Variants in SAMD12 observed in about 807,000 individuals in gnomAD.
SAMD12 encodes sterile alpha motif domain containing 12.
Under a neutral mutation model 15.0 loss-of-function variants are expected in SAMD12, and 9 were observed. That is an observed-to-expected ratio of 0.60 (90% CI 0.36 to 1.05). SAMD12 has a LOEUF of 1.05. Ranked by LOEUF, SAMD12 falls within the 50% of genes least tolerant of loss-of-function variation. SAMD12 has a pLI of 0.01. For missense variants in SAMD12, 230 were observed against 234.2 expected (o/e 0.98, Z 0.12); for synonymous variants, 86 against 90.1 (o/e 0.96, Z 0.25).
intron 2 of SAMD12, among the ~76,000 whole-genome samples, chr8:118,498,384 T>C (rs1824687375): frequency 6.6e-6 from 1 of 152,222 alleles, no homozygotes; most frequent in Non-Finnish European, 1.5e-5. Context: ...CACGAATATA[T>C]TTTATTTAAG....
At chr8:118,285,624 T>C (rs1813939121) in intron 4 of SAMD12, among the ~76,000 whole-genome samples, 2 of 152,188 alleles carry the variant, frequency 1.3e-5, no homozygotes, top group East Asian at 1.9e-4. Context: ...CAAATGGACA[T>C]GGGCTTTGGA....
At chr8:118,550,093 G>A (rs887845000) in intron 2 of SAMD12, among the ~76,000 whole-genome samples, 1 of 152,162 alleles carries the variant, frequency 6.6e-6, no homozygotes, top group East Asian at 1.9e-4. Flanking sequence ...AACCAAGCTG[G>A]AAAACACTCT....
exon 5 of SAMD12, chr8:118,194,331 CAG>C (rs1819494584): frequency 6.6e-6 from 1 of 152,098 alleles, no homozygotes; most frequent in Admixed American, 6.5e-5. Flanking sequence ...GCACACCTCA[CAG>C]AGCCTGAGCA....
At chr8:118,325,497 CAT>C (rs995903266) in intron 4 of SAMD12, among the ~76,000 whole-genome samples, 38 of 152,290 alleles carry the variant, frequency 2.5e-4, no homozygotes, top group African/African-American at 8.2e-4. Context: ...GATATTTTGA[CAT>C]ATGTGTACCT....
intron 2 of SAMD12, among the ~76,000 whole-genome samples, chr8:118,492,122 C>CTTTTTTTT (rs543720456): frequency 5.3e-5 from 7 of 132,136 alleles, no homozygotes; most frequent in African/African-American, 5.6e-5. Context: ...CTGGTGTTGC[C>CTTTTTTTT]TTTTTTTTTT....
intron 3 of SAMD12, among the ~76,000 whole-genome samples, chr8:118,392,847 CT>C (rs1294341316): frequency 6.9e-6 from 1 of 144,622 alleles, no homozygotes; most frequent in African/African-American, 2.5e-5. Flanking sequence ...CTCCCTACCC[CT>C]ACTTGTGTTA....
downstream of SAMD12, among the ~76,000 whole-genome samples, chr8:118,377,439 A>G (rs1044059167): frequency 6.6e-6 from 1 of 152,128 alleles, no homozygotes; most frequent in African/African-American, 2.4e-5. Context: ...GTAAAGAACA[A>G]GCAATAAAAA....
the SAMD12 span, among the ~76,000 whole-genome samples, chr8:118,157,547 A>G: frequency 6.6e-6 from 1 of 152,170 alleles, no homozygotes; most frequent in African/African-American, 2.4e-5. Flanking sequence ...ACTTCTCTAA[A>G]TGTTTGAAAT....
downstream of SAMD12, among the ~76,000 whole-genome samples, chr8:118,184,979 T>C (rs1424434091): frequency 6.6e-6 from 1 of 152,048 alleles, no homozygotes; most frequent in Non-Finnish European, 1.5e-5. Context: ...TCTTTAAAGA[T>C]TTTTGGCTTA....
chr8:118,530,991 C>A (rs1420290026), intron 2 of SAMD12, among the ~76,000 whole-genome samples: 1 of 151,984 alleles, frequency 6.6e-6, no homozygotes. Context: ...CAGGCACATG[C>A]CACTACATGC....
chr8:118,587,866 G>A (rs189292947), intron 1 of SAMD12, among the ~76,000 whole-genome samples: 8 of 152,266 alleles, frequency 5.3e-5, no homozygotes, highest in Admixed American at 5.2e-4. Context: ...CCTGCAAAAT[G>A]ACACATTTCC....
intron 4 of SAMD12, among the ~76,000 whole-genome samples, chr8:118,284,010 T>A (rs1399339372): frequency 2.0e-5 from 3 of 152,200 alleles, no homozygotes; most frequent in Non-Finnish European, 2.9e-5. Context: ...TGGACTCATT[T>A]TCAAAGAGCA....
the SAMD12 span, among the ~76,000 whole-genome samples, chr8:118,140,380 T>C: frequency 5.9e-5 from 9 of 152,034 alleles, no homozygotes; most frequent in Non-Finnish European, 1.0e-4. Flanking sequence ...CAGGCAATCC[T>C]CCCACCTCAG....
At chr8:118,448,862 C>G (rs1470025270) in intron 2 of SAMD12, among the ~76,000 whole-genome samples, 1 of 152,160 alleles carries the variant, frequency 6.6e-6, no homozygotes, top group Non-Finnish European at 1.5e-5. Flanking sequence ...TTTCTAAATT[C>G]ACTGCAAATA....
the SAMD12 span, among the ~76,000 whole-genome samples, chr8:118,132,960 ATGTG>A: frequency 1.4e-4 from 11 of 80,876 alleles, no homozygotes; most frequent in African/African-American, 5.4e-4. Context: ...TAGCTAACAT[ATGTG>A]TGTGTGTGTA....
chr8:118,144,556 G>T, the SAMD12 span, among the ~76,000 whole-genome samples: 1 of 151,674 alleles, frequency 6.6e-6, no homozygotes, highest in Non-Finnish European at 1.5e-5. Flanking sequence ...ATGAAAATGA[G>T]TTTTAATTTT....
At chr8:118,472,537 T>C (rs1823829948) in intron 2 of SAMD12, among the ~76,000 whole-genome samples, 1 of 151,912 alleles carries the variant, frequency 6.6e-6, no homozygotes, top group Non-Finnish European at 1.5e-5. Flanking sequence ...TAGCCGGGCA[T>C]GGCAGCCTGC....
chr8:118,297,174 G>A (rs890888577), intron 4 of SAMD12, among the ~76,000 whole-genome samples: 2 of 152,156 alleles, frequency 1.3e-5, no homozygotes, highest in African/African-American at 4.8e-5. Context: ...GTGCTTTTCA[G>A]GAGCCAGGCA....
intron 2 of SAMD12, among the ~76,000 whole-genome samples, chr8:118,445,393 G>T (rs1000932638): frequency 6.6e-6 from 1 of 152,148 alleles, no homozygotes; most frequent in Admixed American, 6.5e-5. Context: ...TCTATTGCAT[G>T]CTGTTTCCCG....
Sources: gnomAD v4.1 joint callset for allele counts (sites outside exome capture counted in the v4.1 genomes callset) on GRCh38, gnomAD v4.1.1 for gene constraint, MANE v1.5 for transcripts, NCBI Gene and HGNC (gene_info 2026-07-23, HGNC 2026-07-21) for gene names.